Variants in ZFAND6 observed in about 807,000 individuals in gnomAD.
ZFAND6 encodes the protein zinc finger AN1-type containing 6, also known as AN1-type zinc finger protein 6.
In ZFAND6, 12 loss-of-function variants were observed where a neutral mutation model predicts 24.5. That is an observed-to-expected ratio of 0.49 (90% confidence interval 0.31 to 0.79). The LOEUF is 0.79. Ranked by LOEUF, ZFAND6 falls within the 30% of genes least tolerant of loss-of-function variation. The pLI is 0.04. For synonymous variants in ZFAND6, 92 were observed against 81.5 expected (o/e 1.13, Z -0.69); for missense variants, 207 against 245.9 (o/e 0.84, Z 1.06).
chr15:80,059,623 G>C (rs1286785473), upstream of ZFAND6: 1 of 152,178 alleles, frequency 6.6e-6, no homozygotes, highest in Non-Finnish European at 1.5e-5. Flanking sequence ...GGCCAATCCA[G>C]TGGCTCTCCT....
intron 4 of ZFAND6, 80 bp from the exon 5 acceptor site, chr15:80,122,620 G>T: frequency 1.1e-6 from 1 of 869,910 alleles, no homozygotes. Context: ...ACTTAGATAT[G>T]TTGAACTCTT....
chr15:80,086,622 A>C (rs2038020943), intron 1 of ZFAND6, among the ~76,000 whole-genome samples: 1 of 152,242 alleles, frequency 6.6e-6, no homozygotes, highest in Admixed American at 6.5e-5. Context: ...AGGTACATTC[A>C]TGTTGCACTA....
intron 1 of ZFAND6, among the ~76,000 whole-genome samples, chr15:80,062,877 A>G (rs2036408570): frequency 6.6e-6 from 1 of 152,172 alleles, no homozygotes; most frequent in Non-Finnish European, 1.5e-5. Flanking sequence ...AACTATTAAG[A>G]GTCCATTCTA....
chr15:80,091,181 G>GTGTGTGTA (rs1276357988), intron 1 of ZFAND6, among the ~76,000 whole-genome samples: 1 of 152,144 alleles, frequency 6.6e-6, no homozygotes, highest in Admixed American at 6.6e-5. Context: ...GTGTGTGTGT[G>GTGTGTGTA]TGTGTCGGGC....
chr15:80,091,717 G>A (rs1425644877), intron 1 of ZFAND6, among the ~76,000 whole-genome samples: 2 of 151,978 alleles, frequency 1.3e-5, no homozygotes, highest in Non-Finnish European at 2.9e-5. Context: ...ATAGCTCACT[G>A]TAACCTCAAA....
chr15:80,059,864 T>G (rs1265577682), intron 1 of ZFAND6, 55 bp downstream of exon 1: 1 of 151,258 alleles, frequency 6.6e-6, no homozygotes, highest in Non-Finnish European at 1.5e-5. Context: ...CTCCCCCGCC[T>G]GCTCCCTTCC....
At position 80,094,364 on chromosome 15, in the gene ZFAND6, T is replaced by A. The variant is rs531581776; in HGVS notation, c.-180-4052T>A. The stretch of plus-strand genomic sequence containing the variant: ...ATTCTCATAGGAGTGCGAACCCTCT[T>A]GAGAACTGCTCATGAGAGGGATCTA... On this transcript the variant is annotated intron_variant, in intron 1 of 6. Coordinates refer to ENST00000261749, the MANE Select transcript of ZFAND6 (RefSeq NM_019006.4). Among the ~76,000 whole-genome samples the A allele has an allele frequency of 6.3e-4, 96 of 152,260 alleles. 1 individual carries two copies. The highest frequency in any genetic ancestry group is 1.1e-3 in the Non-Finnish European group (77 of 68,010).
intron 2 of ZFAND6, chr15:80,112,920 C>T (rs970569002): frequency 8.8e-6 from 4 of 452,836 alleles, no homozygotes; most frequent in Middle Eastern, 3.3e-4. Flanking sequence ...ATTTTGCACT[C>T]TTCTGGGATC....
chr15:80,071,859 T>C (rs2036997517), intron 1 of ZFAND6, among the ~76,000 whole-genome samples: 1 of 152,080 alleles, frequency 6.6e-6, no homozygotes, highest in African/African-American at 2.4e-5. Context: ...GGTTAAGCAT[T>C]AACCTTGGCA....
At chr15:80,093,079 C>T (rs1213785582) in intron 1 of ZFAND6, among the ~76,000 whole-genome samples, 1 of 151,816 alleles carries the variant, frequency 6.6e-6, no homozygotes, top group South Asian at 2.1e-4. Flanking sequence ...CTCAGCCTCC[C>T]GAGTAGCTGG....
chr15:80,102,515 T>A (rs16971736), intron 2 of ZFAND6, among the ~76,000 whole-genome samples: 5,169 of 152,324 alleles, frequency 0.034, 281 homozygotes, highest in East Asian at 0.22. Context: ...GTGAGCCATC[T>A]GTTTATATGT....
intron 2 of ZFAND6, among the ~76,000 whole-genome samples, chr15:80,107,401 A>G (rs2039388174): frequency 6.6e-6 from 1 of 152,072 alleles, no homozygotes; most frequent in African/African-American, 2.4e-5. Flanking sequence ...CAACTGTACT[A>G]TTATAGTATG....
At position 80,134,026 on chromosome 15, in the gene ZFAND6, C is replaced by T. The variant is rs545973462; in HGVS notation, c.478+2733C>T. 3.9e-3 allele frequency among the ~76,000 whole-genome samples: 539 copies of T among 136,900 alleles called. 2 individuals are homozygous for T. The highest frequency in any genetic ancestry group is 0.012 in the Middle Eastern group (3 of 242). The allele number at this position is 136,900 out of a possible 152,430, so 89.8% of individuals were successfully genotyped here. A position where few individuals can be genotyped will look rare whatever the true frequency, so the allele number is the denominator to read the frequency against. On this transcript the variant is annotated intron_variant, in intron 6 of 6. Coordinates refer to ENST00000261749, the MANE Select transcript of ZFAND6 (RefSeq NM_019006.4). Reference sequence around the variant, plus strand: ...TTTTGAGATGGAGTTTCACTCTTTTCGCCTAGGCTGGAGTGCAGTGGCGCA... The same window carrying T: ...TTTTGAGATGGAGTTTCACTCTTTTTGCCTAGGCTGGAGTGCAGTGGCGCA...
Position 80,085,853 on chromosome 15 carries a change from T to C in ZFAND6, c.-180-12563T>C, listed in dbSNP as rs148352142. On this transcript the variant is annotated intron_variant, in intron 1 of 6. Transcript: ENST00000261749. ...ACTGCATATAGACTGTGGTCATGTG[T>C]GTTTATAATACTGTATTTTTACTGT... 6.6e-3 allele frequency among the ~76,000 whole-genome samples: 1,007 copies of C among 152,296 alleles called. 9 individuals carry two copies. The highest frequency in any genetic ancestry group is 0.02 in the African/African-American group (850 of 41,540).
At chr15:80,090,533 C>A (rs2038293333) in intron 1 of ZFAND6, among the ~76,000 whole-genome samples, 1 of 152,220 alleles carries the variant, frequency 6.6e-6, no homozygotes, top group Non-Finnish European at 1.5e-5. Flanking sequence ...TCTGTTCTTA[C>A]TATTTGTCCT....
At chr15:80,113,670 T>C (rs913317514) in intron 2 of ZFAND6, among the ~76,000 whole-genome samples, 2 of 152,160 alleles carry the variant, frequency 1.3e-5, no homozygotes, top group Non-Finnish European at 2.9e-5. Context: ...TTGCCTGACA[T>C]GAATACTTGT....
chr15:80,075,486 A>C (rs1160699668), intron 1 of ZFAND6, among the ~76,000 whole-genome samples: 1 of 152,004 alleles, frequency 6.6e-6, no homozygotes, highest in Non-Finnish European at 1.5e-5. Context: ...GGGAGAGTGG[A>C]AAGTAGTTTT....
chr15:80,127,141 A>G lies in ZFAND6; in HGVS notation c.365-4039A>G, dbSNP rs914332649. Among the ~76,000 whole-genome samples the G allele has an allele frequency of 3.9e-5, 6 of 152,260 alleles. No homozygotes were observed. In the South Asian group the frequency reaches 1.0e-3, roughly 26 times the overall value. On this transcript the variant is annotated intron_variant, in intron 5 of 6. Transcript: ENST00000261749. ...AAAGAGTGGAAAACCAGCCTACAGA[A>G]TGAGAGAAAAAATACTTTGAAATCA...
intron 4 of ZFAND6, 150 bp downstream of exon 4, chr15:80,121,970 C>T (rs1050301851): frequency 1.5e-5 from 10 of 646,470 alleles, no homozygotes; most frequent in South Asian, 2.4e-5. Context: ...TTAGAAAAAG[C>T]GATTTCTTGC....
Sources: gnomAD v4.1 joint callset for allele counts (sites outside exome capture counted in the v4.1 genomes callset) on GRCh38, gnomAD v4.1.1 for gene constraint, MANE v1.5 for transcripts, NCBI Gene and HGNC (gene_info 2026-07-23, HGNC 2026-07-21) for gene names.